PCSK2: variants seen among roughly 807,000 people sequenced by gnomAD.
PCSK2 encodes the protein neuroendocrine convertase 2.
Under a neutral mutation model 69.7 loss-of-function variants are expected in PCSK2, and 14 were observed. The ratio of observed to expected loss-of-function variants is 0.20; its 90% CI spans 0.13 to 0.31. The LOEUF is 0.31. Ranked by LOEUF, PCSK2 falls within the 10% of genes least tolerant of loss-of-function variation. The pLI is 1.00. For missense variants in PCSK2, 544 were observed against 842.5 expected (o/e 0.65, Z 4.39); for synonymous variants, 307 against 320.7 (o/e 0.96, Z 0.46).
At chr20:17,382,533 A>G (rs930756871) in intron 5 of PCSK2, among the ~76,000 whole-genome samples, 3 of 152,154 alleles carry the variant, frequency 2.0e-5, no homozygotes, top group Admixed American at 2.0e-4. Flanking sequence ...AAACGTTACC[A>G]TCCTTGACTG....
At chr20:17,478,235 TC>T (rs2033325651) in intron 11 of PCSK2, among the ~76,000 whole-genome samples, 2 of 152,100 alleles carry the variant, frequency 1.3e-5, no homozygotes, top group Admixed American at 6.5e-5. Context: ...CTGTTTTTTT[TC>T]CTTCCCCAAA....
Position 17,428,929 on chromosome 20 carries a change from G to T in PCSK2, c.621-506G>T, listed in dbSNP as rs149879628. On this transcript the variant is annotated intron_variant, in intron 6 of 11. Transcript: ENST00000262545. The stretch of plus-strand genomic sequence containing the variant: ...CAAGAGAATCACCTGAGCCCAGGAA[G>T]TCGAAGCTGCAGTAAGCCAAGATTG... Among the ~76,000 whole-genome samples the T allele has an allele frequency of 3.7e-3, 485 of 130,084 alleles. 1 individual carries two copies. Among genetic ancestry groups the T allele is most frequent in the African/African-American group, 0.013 (453 of 34,334 alleles). 85.3% of individuals were successfully genotyped at this position (130,084 alleles called of 152,430 possible).
chr20:17,380,142 CTG>C (rs1210483555), intron 5 of PCSK2, among the ~76,000 whole-genome samples: 2 of 152,158 alleles, frequency 1.3e-5, no homozygotes, highest in Non-Finnish European at 2.9e-5. Flanking sequence ...TCCAGAAACT[CTG>C]AGATAAATTT....
intron 2 of PCSK2, among the ~76,000 whole-genome samples, chr20:17,341,293 C>G (rs1310267330): frequency 6.6e-6 from 1 of 152,044 alleles, no homozygotes; most frequent in African/African-American, 2.4e-5. Context: ...CTCTTCCTAC[C>G]CTTACTGCAT....
intron 2 of PCSK2, among the ~76,000 whole-genome samples, chr20:17,357,140 G>A (rs1316065475): frequency 1.3e-5 from 2 of 152,204 alleles, no homozygotes; most frequent in African/African-American, 2.4e-5. Flanking sequence ...ATTAGTCTTT[G>A]TCCAAGTGAA....
intron 5 of PCSK2, among the ~76,000 whole-genome samples, chr20:17,382,625 G>C (rs2031119536): frequency 1.3e-5 from 2 of 151,964 alleles, no homozygotes; most frequent in East Asian, 3.9e-4. Flanking sequence ...CCCACCACTG[G>C]CATCCTGGAC....
In PCSK2 at chr20:17,227,040, G is replaced by C. The variant is rs1985938042; in HGVS notation, c.-266G>C. ...TAGCATCAAGCACAGACCTACACTC[G>C]CTCTTTCTCTCCGGTACACACAGCT... On this transcript the variant is annotated 5_prime_UTR_variant, in exon 1 of 12. Transcript: ENST00000262545. 4.6e-6 allele frequency: 2 copies of C among 439,224 alleles called. No individual in the cohort carries two copies. Among genetic ancestry groups the C allele is most frequent in the Admixed American group, 7.7e-5 (2 of 25,838 alleles). The allele number at this position is 439,224 out of a possible 1,614,324, so 27.2% of individuals were successfully genotyped here.
At chr20:17,331,759 C>G (rs1229680838) in intron 2 of PCSK2, among the ~76,000 whole-genome samples, 1 of 143,704 alleles carries the variant, frequency 7.0e-6, no homozygotes, top group Non-Finnish European at 1.5e-5. Flanking sequence ...CCCATCATCT[C>G]GTGTGATTAA....
intron 2 of PCSK2, among the ~76,000 whole-genome samples, chr20:17,284,824 G>A (rs1224813141): frequency 1.3e-5 from 2 of 152,198 alleles, no homozygotes; most frequent in Admixed American, 6.5e-5. Flanking sequence ...GCTGAAGCAT[G>A]GAGATTGTTG....
At chr20:17,303,492 TTTAATATAATA>T (rs1989198922) in intron 2 of PCSK2, among the ~76,000 whole-genome samples, 2 of 57,766 alleles carry the variant, frequency 3.5e-5, no homozygotes, top group East Asian at 2.8e-4. Flanking sequence ...ATATATTATA[TTTAATATAATA>T]TATATTATAT....
In PCSK2 at chr20:17,453,952, G is replaced by C; in HGVS notation, c.1096G>C (p.Gly366Arg). 1.2e-6 allele frequency: 2 copies of C among 1,614,126 alleles called. No individual in the cohort carries two copies. The highest frequency in any genetic ancestry group is 1.7e-6 in the Non-Finnish European group (2 of 1,180,026). Reference protein sequence around the residue: ...SNGRKRNPEAGVATTDLYGNC... With the variant: ...SNGRKRNPEARVATTDLYGNC... ...CGGGAGGAAAAGGAACCCCGAGGCC[G>C]GTGTGGTGAGCACGTCCCCTTCTGT... is the stretch of plus-strand genomic sequence containing the variant. The change falls in exon 9 of 12, where the codon GGT becomes CGT. Residue 366 changes from glycine to arginine, a missense_variant. Gly to Arg is a moderately radical substitution (Grantham distance 125). Coordinates refer to ENST00000262545, the MANE Select transcript of PCSK2 (RefSeq NM_002594.5). The surrounding 1 kb of genome is among the most constrained non-coding windows in gnomAD (Gnocchi z 4.0).
intron 5 of PCSK2, among the ~76,000 whole-genome samples, chr20:17,389,401 T>C (rs2031315339): frequency 6.6e-6 from 1 of 152,162 alleles, no homozygotes; most frequent in Non-Finnish European, 1.5e-5. Context: ...ATAGAGTATA[T>C]GTCCACACAT....
intron 2 of PCSK2, among the ~76,000 whole-genome samples, chr20:17,305,977 G>A (rs1292895967): frequency 6.6e-6 from 1 of 152,160 alleles, no homozygotes; most frequent in Non-Finnish European, 1.5e-5. Context: ...TCTTTTCTTA[G>A]CCTGACATTT....
intron 2 of PCSK2, among the ~76,000 whole-genome samples, chr20:17,264,465 A>G (rs1409271680): frequency 6.6e-6 from 1 of 152,188 alleles, no homozygotes; most frequent in Non-Finnish European, 1.5e-5. Context: ...TTTAGAAGCT[A>G]TATCTTTCTA....
At chr20:17,375,433 C>T (rs954273699) in intron 5 of PCSK2, among the ~76,000 whole-genome samples, 1 of 152,262 alleles carries the variant, frequency 6.6e-6, no homozygotes. Context: ...ACCCATTGCT[C>T]GTGGCCAGGG....
At chr20:17,256,162 T>A (rs114539827) in intron 1 of PCSK2, among the ~76,000 whole-genome samples, 1,815 of 152,304 alleles carry the variant, frequency 0.012, 41 homozygotes, top group African/African-American at 0.041. Flanking sequence ...GATAAATTTT[T>A]AAATTCTGTT....
At position 17,417,571 on chromosome 20, in the gene PCSK2, G is replaced by T. The variant is rs983878643; in HGVS notation, c.620+8232G>T. ...GCTACTTTCAAACATAACTACCATT[G>T]TAAATGATTATGGGAGGCTGGTGAG... is the stretch of plus-strand genomic sequence containing the variant. On this transcript the variant is annotated intron_variant, in intron 6 of 11. Coordinates refer to ENST00000262545, the MANE Select transcript of PCSK2 (RefSeq NM_002594.5). Among the ~76,000 whole-genome samples the T allele has an allele frequency of 1.3e-5, 2 of 152,210 alleles. 1 individual carries two copies. The highest frequency in any genetic ancestry group is 3.8e-4 in the East Asian group (2 of 5,196).
intron 2 of PCSK2, among the ~76,000 whole-genome samples, chr20:17,319,671 G>A (rs1989805648): frequency 6.6e-6 from 1 of 151,990 alleles, no homozygotes. Flanking sequence ...ATCACAAGGG[G>A]GTGAACACTG....
chr20:17,420,427 G>A (rs1365712571), intron 6 of PCSK2, among the ~76,000 whole-genome samples: 1 of 152,210 alleles, frequency 6.6e-6, no homozygotes, highest in East Asian at 1.9e-4. Flanking sequence ...AAAGGTTACT[G>A]CTTGTAACCA....
Sources: gnomAD v4.1 joint callset for allele counts (sites outside exome capture counted in the v4.1 genomes callset) on GRCh38, gnomAD v4.1.1 for gene constraint, Gnocchi (gnomAD v3.1) non-coding constraint, MANE v1.5 for transcripts, NCBI Gene and HGNC (gene_info 2026-07-23, HGNC 2026-07-21) for gene names.